LCORL: variants seen among roughly 807,000 people sequenced by gnomAD.
The protein encoded by LCORL is ligand dependent nuclear receptor corepressor like.
In LCORL, 41 loss-of-function variants were observed where a neutral mutation model predicts 141.8. The ratio of observed to expected loss-of-function variants is 0.29; its 90% CI spans 0.23 to 0.38. LCORL has a LOEUF of 0.38. Among genes scored for constraint, LCORL ranks in the 10% least tolerant of loss-of-function variants. The probability of loss-of-function intolerance (pLI) is 1.00; values close to 1 mark genes in which losing one functional copy is unlikely to be tolerated. For missense variants in LCORL, 1,759 were observed against 2,035.0 expected (o/e 0.86, Z 2.61); for synonymous variants, 618 against 694.1 (o/e 0.89, Z 1.72).
At chr4:17,903,468 T>TA (rs2109306037) in intron 5 of LCORL, among the ~76,000 whole-genome samples, 1 of 152,174 alleles carries the variant, frequency 6.6e-6, no homozygotes, top group Non-Finnish European at 1.5e-5. Flanking sequence ...TAGGAGTTTT[T>TA]ACTCTGGCCC....
chr4:17,987,971 G>A (rs933342926), intron 1 of LCORL, among the ~76,000 whole-genome samples: 1 of 152,260 alleles, frequency 6.6e-6, no homozygotes, highest in South Asian at 2.1e-4. Flanking sequence ...TTGGCTCTGT[G>A]TCCCCACCCA....
chr4:17,845,921 G>C lies in LCORL; in HGVS notation c.5603-20C>G, dbSNP rs1722874804. The C allele has an allele frequency of 3.8e-6, 6 of 1,570,000 alleles. No homozygotes were observed. The highest frequency in any genetic ancestry group is 1.4e-5 in the African/African-American group (1 of 73,302). ...AGCATGCTGGAAGAAAAAGTGTAAG[G>C]CATTTTAGTTTTACTTTAATTTCAA... On this transcript the variant is annotated intron_variant, in intron 7 of 7. Coordinates refer to ENST00000635767, the Ensembl canonical transcript of LCORL.
chr4:18,018,788 T>C (rs550576179), intron 1 of LCORL, among the ~76,000 whole-genome samples: 113 of 152,308 alleles, frequency 7.4e-4, no homozygotes, highest in African/African-American at 2.5e-3. Flanking sequence ...GTTTGGATCA[T>C]TTCCTTTACC....
At chr4:17,981,087 A>G (rs1717900839) in intron 1 of LCORL, among the ~76,000 whole-genome samples, 1 of 152,200 alleles carries the variant, frequency 6.6e-6, no homozygotes, top group African/African-American at 2.4e-5. Flanking sequence ...TTGTATAAGT[A>G]CATAGTTACC....
chr4:18,012,315 G>T (rs577945337), intron 1 of LCORL, among the ~76,000 whole-genome samples: 7 of 152,176 alleles, frequency 4.6e-5, no homozygotes, highest in African/African-American at 1.7e-4. Flanking sequence ...ATTTTAAGAC[G>T]CCTGCAGCTC....
chr4:17,989,331 T>C (rs1337259205), intron 1 of LCORL, among the ~76,000 whole-genome samples: 1 of 152,252 alleles, frequency 6.6e-6, no homozygotes, highest in East Asian at 1.9e-4. Flanking sequence ...ATCATATCTT[T>C]ATCAGAATAA....
At position 17,913,801 on chromosome 4, in the gene LCORL, T is replaced by C. The variant is rs533139605; in HGVS notation, c.431-4456A>G. On this transcript the variant is annotated intron_variant, in intron 4 of 7. Coordinates refer to ENST00000635767, the Ensembl canonical transcript of LCORL. ...TTAAAAAAACTTTAAAGGTCACCCA[T>C]TTTTCTTCAGTTAATAACGTAAAAA... 3.9e-5 allele frequency among the ~76,000 whole-genome samples: 6 copies of C among 152,350 alleles called. No individual in the cohort carries two copies. The East Asian group carries it at 1.2e-3, about 29-fold the overall frequency.
chr4:17,953,890 G>A (rs1220804478), intron 4 of LCORL, among the ~76,000 whole-genome samples: 3 of 152,162 alleles, frequency 2.0e-5, no homozygotes, highest in Admixed American at 6.5e-5. Flanking sequence ...AGGGCCAGGC[G>A]CGGTGGCTCA....
intron 4 of LCORL, among the ~76,000 whole-genome samples, chr4:17,949,290 G>A (rs1384341542): frequency 1.3e-5 from 2 of 152,132 alleles, no homozygotes; most frequent in African/African-American, 4.8e-5. Context: ...AGGGTGGGCA[G>A]ACAGATGTTT....
chr4:18,015,427 C>T (rs1724482942), intron 1 of LCORL, among the ~76,000 whole-genome samples: 1 of 152,106 alleles, frequency 6.6e-6, no homozygotes, highest in South Asian at 2.1e-4. Context: ...TCCAAGAGTA[C>T]AGAGAACTTC....
At position 17,884,465 on chromosome 4, in the gene LCORL, G is replaced by C. The variant is rs1454203927; in HGVS notation, c.776+1603C>G. The C allele has an allele frequency of 1.3e-6, 2 of 1,549,526 alleles. No individual in the cohort carries two copies. The highest frequency in any genetic ancestry group is 2.0e-5 in the Admixed American group (1 of 50,582). Reference sequence around the variant, plus strand: ...ACTTTTTTCTGTGCGCTCTGCTTGAGCTCTTGCCCACAAGGCTACTTTTTG... The same window carrying C: ...ACTTTTTTCTGTGCGCTCTGCTTGACCTCTTGCCCACAAGGCTACTTTTTG... On this transcript the variant is annotated intron_variant, in intron 6 of 7. Transcript: ENST00000635767. This position sits in a 1 kb window ranked among gnomAD's most constrained non-coding sequence, Gnocchi z 4.4.
At chr4:17,942,372 T>G (rs1035270826) in intron 4 of LCORL, among the ~76,000 whole-genome samples, 1 of 152,118 alleles carries the variant, frequency 6.6e-6, no homozygotes, top group African/African-American at 2.4e-5. Context: ...ACTGAGGAAT[T>G]AGGCTTAATA....
At chr4:17,877,312 T>C (rs1577307331) in exon 7 of LCORL, 1 of 1,226,348 alleles carries the variant, frequency 8.2e-7, no homozygotes. Context: ...TCATTATATG[T>C]ATTATAATCA....
chr4:17,859,158 A>G (rs1724703567), intron 7 of LCORL, among the ~76,000 whole-genome samples: 1 of 152,174 alleles, frequency 6.6e-6, no homozygotes. Context: ...GTTACATGAG[A>G]TAGTCAACAT....
At chr4:17,927,640 G>C (rs1301966999) in intron 4 of LCORL, among the ~76,000 whole-genome samples, 1 of 152,066 alleles carries the variant, frequency 6.6e-6, no homozygotes, top group Non-Finnish European at 1.5e-5. Flanking sequence ...CTTCAATACT[G>C]TTGCATCTCA....
chr4:17,971,465 A>C (rs930498686), intron 2 of LCORL, among the ~76,000 whole-genome samples: 17 of 151,958 alleles, frequency 1.1e-4, no homozygotes, highest in South Asian at 6.2e-4. Flanking sequence ...CAAAAAAAAA[A>C]CACTAGAAAC....
At chr4:17,904,020 G>A (rs1371570559) in intron 5 of LCORL, among the ~76,000 whole-genome samples, 4 of 152,022 alleles carry the variant, frequency 2.6e-5, no homozygotes, top group Non-Finnish European at 5.9e-5. Flanking sequence ...ATTTTTACAA[G>A]TATTTACAGT....
At chr4:18,010,801 A>G (rs778376695) in intron 1 of LCORL, among the ~76,000 whole-genome samples, 11 of 152,164 alleles carry the variant, frequency 7.2e-5, no homozygotes, top group African/African-American at 2.4e-4. Context: ...ACTTGTTTTC[A>G]GAATATTAAC....
chr4:17,942,340 T>A (rs1274614349), intron 4 of LCORL, among the ~76,000 whole-genome samples: 5 of 152,090 alleles, frequency 3.3e-5, no homozygotes, highest in African/African-American at 1.2e-4. Flanking sequence ...ATCTAAATGC[T>A]ACAAAGCAAG....
Sources: gnomAD v4.1 joint callset for allele counts (sites outside exome capture counted in the v4.1 genomes callset) on GRCh38, gnomAD v4.1.1 for gene constraint, Gnocchi (gnomAD v3.1) non-coding constraint, MANE v1.5 for transcripts, NCBI Gene and HGNC (gene_info 2026-07-23, HGNC 2026-07-21) for gene names.